SPAG16: variants seen among roughly 807,000 people sequenced by gnomAD.
SPAG16 encodes the protein sperm associated antigen 16, also known as sperm-associated antigen 16 protein.
In SPAG16, 86 loss-of-function variants were observed where a neutral mutation model predicts 80.4. That is an observed-to-expected ratio of 1.07 (90% CI 0.90 to 1.28). SPAG16 has a LOEUF of 1.28. Ranked by LOEUF, SPAG16 falls within the 50% of genes most tolerant of loss-of-function variation. The pLI, the probability that SPAG16 is intolerant of heterozygous loss-of-function variation, is 0.00. For synonymous variants in SPAG16, 294 were observed against 265.9 expected, an observed-to-expected ratio of 1.11 and a Z score of -1.03; for missense variants, 870 against 765.3, an observed-to-expected ratio of 1.14 and a Z score of -1.61.
intron 11 of SPAG16, among the ~76,000 whole-genome samples, chr2:213,917,619 G>A (rs769223778): frequency 3.3e-5 from 5 of 152,136 alleles, no homozygotes; most frequent in African/African-American, 7.2e-5. Context: ...TTTGTACATC[G>A]ATTTTGTATC....
chr2:213,984,880 A>G (rs762209034), intron 12 of SPAG16, among the ~76,000 whole-genome samples: 5 of 152,084 alleles, frequency 3.3e-5, no homozygotes, highest in African/African-American at 7.2e-5. Context: ...CCTTCCACAG[A>G]TATCTACATG....
intron 15 of SPAG16, among the ~76,000 whole-genome samples, chr2:214,323,701 T>C (rs766808972): frequency 2.6e-5 from 4 of 152,232 alleles, no homozygotes; most frequent in African/African-American, 4.8e-5. Flanking sequence ...TTTTCACAAA[T>C]TGAATTACAC....
intron 13 of SPAG16, among the ~76,000 whole-genome samples, chr2:214,094,955 T>C (rs567684633): frequency 1.3e-5 from 2 of 151,764 alleles, no homozygotes; most frequent in Admixed American, 1.3e-4. Flanking sequence ...GATGAAACTT[T>C]TGAGAGGACT....
At chr2:213,642,900 T>C (rs1417740273) in intron 10 of SPAG16, among the ~76,000 whole-genome samples, 1 of 150,208 alleles carries the variant, frequency 6.7e-6, no homozygotes, top group African/African-American at 2.4e-5. Flanking sequence ...TGCTGGATGC[T>C]TTCTGCCCTC....
chr2:214,047,417 A>C (rs991984793), intron 13 of SPAG16, among the ~76,000 whole-genome samples: 2 of 152,162 alleles, frequency 1.3e-5, no homozygotes, highest in African/African-American at 4.8e-5. Context: ...ACTTTTGACA[A>C]AAGTGCCGAG....
intron 5 of SPAG16, among the ~76,000 whole-genome samples, chr2:213,319,112 C>T (rs1055954611): frequency 1.3e-5 from 2 of 152,020 alleles, no homozygotes; most frequent in Admixed American, 1.3e-4. Flanking sequence ...AATCAATGCT[C>T]AGATGTGAAG....
chr2:213,982,683 G>A (rs997421384), intron 12 of SPAG16, among the ~76,000 whole-genome samples: 1 of 145,268 alleles, frequency 6.9e-6, no homozygotes, highest in African/African-American at 2.5e-5. Context: ...GACATACTAC[G>A]GTATATTTGA....
chr2:213,308,363 A>G (rs974053618), intron 3 of SPAG16, among the ~76,000 whole-genome samples: 1 of 152,148 alleles, frequency 6.6e-6, no homozygotes, highest in Admixed American at 6.6e-5. Context: ...CTGTCAGAAT[A>G]CTACATACAG....
In SPAG16 at chr2:214,059,186, CTA is replaced by C. The variant is rs36006046; in HGVS notation, c.1527+45137_1527+45138del. Among the ~76,000 whole-genome samples the C allele has an allele frequency of 7.9e-3, 906 of 114,320 alleles. 13 individuals are homozygous for C. The highest frequency in any genetic ancestry group is 0.023 in the African/African-American group (643 of 28,534). 75.0% of individuals were successfully genotyped at this position (114,320 alleles called of 152,430 possible). A position where few individuals can be genotyped will look rare whatever the true frequency, so the allele number is the denominator to read the frequency against. On this transcript the variant is annotated intron_variant, in intron 13 of 15. Transcript: ENST00000331683. ...AGCAAGACTCTGTCTCTCTCTCTGT[CTA>C]TATATATATATATATATATATATAT...
chr2:213,411,052 C>A (rs1394192238), intron 9 of SPAG16, among the ~76,000 whole-genome samples: 1 of 152,136 alleles, frequency 6.6e-6, no homozygotes, highest in East Asian at 1.9e-4. Context: ...AATCAGTTAG[C>A]CCTTGTTCAT....
chr2:213,719,989 A>G (rs1244885343), intron 10 of SPAG16, among the ~76,000 whole-genome samples: 1 of 152,220 alleles, frequency 6.6e-6, no homozygotes, highest in Non-Finnish European at 1.5e-5. Flanking sequence ...CATATTCACT[A>G]TGGAATACTA....
chr2:214,362,638 A>G (rs1210325213), intron 15 of SPAG16, among the ~76,000 whole-genome samples: 1 of 151,820 alleles, frequency 6.6e-6, no homozygotes, highest in Non-Finnish European at 1.5e-5. Flanking sequence ...TAACAAATAT[A>G]TGTTTAACAA....
At chr2:214,290,526 C>A (rs1443326528) in intron 15 of SPAG16, among the ~76,000 whole-genome samples, 1 of 151,856 alleles carries the variant, frequency 6.6e-6, no homozygotes, top group Non-Finnish European at 1.5e-5. Context: ...TATAAATGTC[C>A]CTTTTAGCAC....
At chr2:214,067,994 A>G (rs916970608) in intron 13 of SPAG16, among the ~76,000 whole-genome samples, 12 of 151,972 alleles carry the variant, frequency 7.9e-5, no homozygotes, top group Non-Finnish European at 1.3e-4. Context: ...TTTTTTTTGG[A>G]AAGTGATGAG....
At chr2:214,155,577 A>G (rs548916512) in intron 15 of SPAG16, among the ~76,000 whole-genome samples, 2 of 152,160 alleles carry the variant, frequency 1.3e-5, no homozygotes, top group Admixed American at 6.5e-5. Context: ...GGTGCAAGCA[A>G]TCTTCCTGCC....
chr2:213,759,730 A>G (rs955423277), intron 10 of SPAG16, among the ~76,000 whole-genome samples: 4 of 152,282 alleles, frequency 2.6e-5, no homozygotes, highest in African/African-American at 7.2e-5. Context: ...GGAAACATCT[A>G]TAAGCTATAA....
At chr2:213,392,762 C>T (rs1449423287) in intron 9 of SPAG16, among the ~76,000 whole-genome samples, 1 of 151,718 alleles carries the variant, frequency 6.6e-6, no homozygotes, top group Admixed American at 6.6e-5. Flanking sequence ...CAGAGAATTG[C>T]TTGAACCCGG....
chr2:213,732,930 C>T (rs548362533), intron 10 of SPAG16, among the ~76,000 whole-genome samples: 63 of 152,262 alleles, frequency 4.1e-4, no homozygotes, highest in African/African-American at 1.5e-3. Flanking sequence ...ATTTCTGCCC[C>T]TAGGTCTTTG....
At chr2:214,203,377 G>A (rs751729782) in intron 15 of SPAG16, among the ~76,000 whole-genome samples, 2 of 152,106 alleles carry the variant, frequency 1.3e-5, no homozygotes, top group South Asian at 4.1e-4. Context: ...GACTCAAATC[G>A]TGAATTTTGG....
Sources: allele counts gnomAD v4.1 joint callset (sites outside exome capture counted in the v4.1 genomes callset), GRCh38; gene constraint gnomAD v4.1.1; transcripts MANE v1.5; gene names NCBI Gene and HGNC (gene_info 2026-07-23, HGNC 2026-07-21).